Variants in PARD3B observed in about 807,000 individuals in gnomAD.
PARD3B encodes the protein partitioning defective 3 homolog B.
PARD3B carries 103 observed loss-of-function variants against 130.2 expected under a neutral mutation model. The ratio of observed to expected loss-of-function variants is 0.79; its 90% CI spans 0.67 to 0.93. PARD3B has a LOEUF of 0.93. Among genes scored for constraint, PARD3B ranks in the 40% least tolerant of loss-of-function variants. The pLI, the probability that PARD3B is intolerant of heterozygous loss-of-function variation, is 0.00. For missense variants in PARD3B, 1,609 were observed against 1,499.2 expected (o/e 1.07, Z -1.21); for synonymous variants, 583 against 553.2 (o/e 1.05, Z -0.76).
At position 205,244,602 on chromosome 2, in the gene PARD3B, G is replaced by A. The variant is rs962176517; in HGVS notation, c.2141-1176G>A. ...AATTGGTCTTATTTATTTCTTAAAT[G>A]TTTGGTAGAATTCACCAGTGAAGCC... On this transcript the variant is annotated intron_variant, in intron 15 of 22. Coordinates refer to ENST00000406610, the MANE Select transcript of PARD3B (RefSeq NM_001302769.2). The surrounding 1 kb of genome is among the most constrained non-coding windows in gnomAD (Gnocchi z 4.7). 6.6e-6 allele frequency among the ~76,000 whole-genome samples: 1 copy of A among 152,034 alleles called. No individual in the cohort carries two copies. Among genetic ancestry groups the A allele is most frequent in the Non-Finnish European group, 1.5e-5 (1 of 67,998 alleles).
intron 1 of PARD3B, among the ~76,000 whole-genome samples, chr2:204,619,709 A>G (rs1337753681): frequency 1.3e-5 from 2 of 152,342 alleles, no homozygotes; most frequent in South Asian, 2.1e-4. Context: ...GGCGTGCCCT[A>G]CACAAGCAAG....
intron 22 of PARD3B, among the ~76,000 whole-genome samples, chr2:205,578,493 A>G (rs572839425): frequency 2.0e-5 from 3 of 152,358 alleles, no homozygotes; most frequent in Admixed American, 6.5e-5. Flanking sequence ...TAGTTAAATT[A>G]TTGGCGAAGT....
At chr2:205,297,477 T>C (rs993866379) in intron 16 of PARD3B, among the ~76,000 whole-genome samples, 2 of 152,152 alleles carry the variant, frequency 1.3e-5, no homozygotes, top group Non-Finnish European at 1.5e-5. Flanking sequence ...AAGTGTTTTG[T>C]TGGAATTTAA....
intron 11 of PARD3B, among the ~76,000 whole-genome samples, chr2:205,170,647 T>TATCAGAAAGGGACTATCAGC (rs1191110480): frequency 1.3e-5 from 2 of 152,138 alleles, no homozygotes; most frequent in Non-Finnish European, 2.9e-5. Context: ...TTTTCTCCAC[T>TATCAGAAAGGGACTATCAGC]ATCAGCAGAG....
At chr2:204,724,473 T>G (rs1389882171) in intron 2 of PARD3B, among the ~76,000 whole-genome samples, 1 of 152,180 alleles carries the variant, frequency 6.6e-6, no homozygotes, top group Non-Finnish European at 1.5e-5. Flanking sequence ...CATCTAGGTA[T>G]TCCCTCACTA....
rs571335243 is a variant in PARD3B, at chr2:205,091,989, A to C, written c.505-12437A>C. On this transcript the variant is annotated intron_variant, in intron 4 of 22. Coordinates refer to ENST00000406610, the MANE Select transcript of PARD3B (RefSeq NM_001302769.2). The surrounding 1 kb of genome is among the most constrained non-coding windows in gnomAD (Gnocchi z 4.2). ...TCATTTGATGATATAGTTTTGTTGA[A>C]TAATGAGCGTTACCCAAAAACCTTT... Among the ~76,000 whole-genome samples the C allele has an allele frequency of 1.3e-4, 20 of 152,278 alleles. No individual in the cohort carries two copies. Among genetic ancestry groups the C allele is most frequent in the African/African-American group, 4.6e-4 (19 of 41,554 alleles).
chr2:204,920,957 A>C (rs1019082834), intron 2 of PARD3B, among the ~76,000 whole-genome samples: 1 of 152,218 alleles, frequency 6.6e-6, no homozygotes, highest in East Asian at 1.9e-4. Flanking sequence ...ATGTCCACTC[A>C]CTCACTTGCA....
At chr2:204,803,319 A>G (rs1411323549) in intron 2 of PARD3B, among the ~76,000 whole-genome samples, 1 of 151,926 alleles carries the variant, frequency 6.6e-6, no homozygotes, top group African/African-American at 2.4e-5. Context: ...AAAGACATTA[A>G]TAAACAATAG....
rs1293617332 is a variant in PARD3B, at chr2:205,470,006, C to T, written c.3044+29334C>T. On this transcript the variant is annotated intron_variant, in intron 20 of 22. Transcript: ENST00000406610. The surrounding 1 kb of genome is among the most constrained non-coding windows in gnomAD (Gnocchi z 4.8). ...TCCTGGATCATGCATTTTCTTTCTT[C>T]CTCCCACTATCCTTTTCTTTTTGGC... is the stretch of plus-strand genomic sequence containing the variant. 6.6e-6 allele frequency among the ~76,000 whole-genome samples: 1 copy of T among 152,170 alleles called. No individual in the cohort carries two copies. Among genetic ancestry groups the T allele is most frequent in the Admixed American group, 6.5e-5 (1 of 15,284 alleles).
chr2:205,343,671 G>C (rs956770219), intron 18 of PARD3B, among the ~76,000 whole-genome samples: 2 of 152,146 alleles, frequency 1.3e-5, no homozygotes, highest in Non-Finnish European at 2.9e-5. Context: ...TAAAAGCACA[G>C]TCCAGTCACC....
At chr2:205,555,259 C>T (rs575701818) in intron 22 of PARD3B, among the ~76,000 whole-genome samples, 1 of 152,112 alleles carries the variant, frequency 6.6e-6, no homozygotes, top group African/African-American at 2.4e-5. Flanking sequence ...ATAAATTTCA[C>T]TCATTCATTC....
intron 4 of PARD3B, among the ~76,000 whole-genome samples, chr2:205,100,514 C>G (rs1702699949): frequency 6.6e-6 from 1 of 151,380 alleles, no homozygotes; most frequent in Admixed American, 6.6e-5. Flanking sequence ...ATGCAAGAGA[C>G]CCAGCATAGC....
intron 2 of PARD3B, among the ~76,000 whole-genome samples, chr2:204,952,032 A>G (rs1205822922): frequency 1.3e-5 from 2 of 152,184 alleles, no homozygotes; most frequent in African/African-American, 2.4e-5. Context: ...TAAAATACAT[A>G]AAATGTTATT....
intron 3 of PARD3B, among the ~76,000 whole-genome samples, chr2:205,006,370 T>A (rs1343851687): frequency 6.6e-6 from 1 of 152,204 alleles, no homozygotes; most frequent in African/African-American, 2.4e-5. Context: ...TACTTTTGTA[T>A]CCTTAAGAAA....
In PARD3B at chr2:204,677,190, C is replaced by T. The variant is rs1002009809; in HGVS notation, c.121-8991C>T. Among the ~76,000 whole-genome samples the T allele has an allele frequency of 2.1e-4, 32 of 152,120 alleles. No individual in the cohort carries two copies. The highest frequency in any genetic ancestry group is 4.4e-5 in the Non-Finnish European group (3 of 68,034). ...GGAGGTCTAAGTGTTTAAGGTAAAA[C>T]TTTTACATAAAATATAGTCTCCAGT... On this transcript the variant is annotated intron_variant, in intron 1 of 22. Transcript: ENST00000406610. The surrounding 1 kb of genome is among the most constrained non-coding windows in gnomAD (Gnocchi z 4.1).
intron 21 of PARD3B, among the ~76,000 whole-genome samples, chr2:205,502,103 C>T (rs2050178372): frequency 6.6e-6 from 1 of 152,154 alleles, no homozygotes; most frequent in African/African-American, 2.4e-5. Context: ...ATCCTTTCCT[C>T]TCCTCTCCCC....
intron 12 of PARD3B, among the ~76,000 whole-genome samples, chr2:205,173,861 T>G (rs563792349): frequency 6.6e-6 from 1 of 152,292 alleles, no homozygotes; most frequent in South Asian, 2.1e-4. Context: ...TCTAGAGCCC[T>G]AGGACTCCAT....
At chr2:204,585,605 A>G (rs2032783317) in intron 1 of PARD3B, among the ~76,000 whole-genome samples, 1 of 151,596 alleles carries the variant, frequency 6.6e-6, no homozygotes, top group Non-Finnish European at 1.5e-5. Flanking sequence ...TGGCCTCCCA[A>G]AGTGCTGGGA....
chr2:205,124,544 T>C (rs2031156180), intron 9 of PARD3B, 78 bp downstream of exon 9: 35 of 1,017,358 alleles, frequency 3.4e-5, no homozygotes, highest in Non-Finnish European at 4.5e-5. Context: ...TTGAAATATA[T>C]GTAAATATAT....
Sources: allele counts gnomAD v4.1 joint callset (sites outside exome capture counted in the v4.1 genomes callset), GRCh38; gene constraint gnomAD v4.1.1; non-coding constraint Gnocchi (gnomAD v3.1); transcripts MANE v1.5; gene names NCBI Gene and HGNC (gene_info 2026-07-23, HGNC 2026-07-21).